Variants in CLMP observed in about 807,000 individuals in gnomAD.
CLMP encodes CXADR like cell adhesion molecule, also known as CXADR-like membrane protein.
Under a neutral mutation model 45.2 loss-of-function variants are expected in CLMP, and 27 were observed. The ratio of observed to expected loss-of-function variants is 0.60; its 90% CI spans 0.44 to 0.82. The LOEUF (loss-of-function observed/expected upper bound fraction) is 0.82, where lower values mean the gene tolerates loss of function less well. CLMP is among the 40% of genes least tolerant of loss of function. CLMP has a pLI of 0.00. For synonymous variants in CLMP, 167 were observed against 171.4 expected, an observed-to-expected ratio of 0.97 and a Z score of 0.20; for missense variants, 403 against 448.4, an observed-to-expected ratio of 0.90 and a Z score of 0.91.
At chr11:123,101,459 T>C (rs1300312245) in intron 1 of CLMP, among the ~76,000 whole-genome samples, 1 of 152,216 alleles carries the variant, frequency 6.6e-6, no homozygotes, top group Non-Finnish European at 1.5e-5. Context: ...CAAAATTGAT[T>C]AGCAGCCAAT....
chr11:123,083,237 C>T, intron 4 of CLMP, 30 bp from the exon 5 acceptor site: 1 of 1,605,254 alleles, frequency 6.2e-7, no homozygotes, highest in Non-Finnish European at 8.5e-7. Flanking sequence ...GACTGTAAAT[C>T]CCTTTAGTGA....
At chr11:123,112,718 T>A (rs1333604184) in intron 1 of CLMP, among the ~76,000 whole-genome samples, 1 of 151,858 alleles carries the variant, frequency 6.6e-6, no homozygotes. Context: ...TCACTGGGGA[T>A]CTGAAATCAC....
At chr11:123,139,788 C>G (rs1861128561) in intron 1 of CLMP, among the ~76,000 whole-genome samples, 1 of 151,228 alleles carries the variant, frequency 6.6e-6, no homozygotes, top group South Asian at 2.1e-4. Context: ...TGCACTCCAG[C>G]CTGGGCAACA....
At chr11:123,084,413 A>C (rs1865840409) in intron 3 of CLMP, 99 bp downstream of exon 3, 4 of 951,534 alleles carry the variant, frequency 4.2e-6, no homozygotes, top group African/African-American at 1.7e-5. Flanking sequence ...AATCCAAAGT[A>C]CTGAACATGA....
chr11:123,127,830 A>G (rs1860920926), intron 1 of CLMP, among the ~76,000 whole-genome samples: 1 of 152,130 alleles, frequency 6.6e-6, no homozygotes. Flanking sequence ...TGAGGTTAGG[A>G]GTTCGACACC....
In CLMP at chr11:123,168,046, G is replaced by A. The variant is rs769071170; in HGVS notation, c.28+26867C>T. The stretch of plus-strand genomic sequence containing the variant: ...AAGCTTGTTCTTAAACTGACGGAGG[G>A]ATGCCAGCCTGCCATGGTCAACAAA... On this transcript the variant is annotated intron_variant, in intron 1 of 6. Transcript: ENST00000448775. Among the ~76,000 whole-genome samples the A allele has an allele frequency of 8.3e-4, 126 of 152,312 alleles. 1 individual carries two copies. The Middle Eastern group carries it at 0.01, about 12-fold the overall frequency.
At chr11:123,150,331 C>T (rs1171846192) in intron 1 of CLMP, among the ~76,000 whole-genome samples, 1 of 149,668 alleles carries the variant, frequency 6.7e-6, no homozygotes, top group Admixed American at 6.8e-5. Flanking sequence ...CAAGGAAGAT[C>T]TTCCATGGTC....
chr11:123,172,961 G>A (rs573539848), intron 1 of CLMP, among the ~76,000 whole-genome samples: 1 of 152,254 alleles, frequency 6.6e-6, no homozygotes, highest in African/African-American at 2.4e-5. Context: ...ACTTCCAGAG[G>A]GATGTTTCTA....
At chr11:123,097,188 T>C (rs1042131541) in intron 2 of CLMP, among the ~76,000 whole-genome samples, 3 of 151,908 alleles carry the variant, frequency 2.0e-5, no homozygotes, top group African/African-American at 7.3e-5. Context: ...AGGGTCTTGC[T>C]GTATTGCCCA....
At chr11:123,123,195 G>A (rs1322673537) in intron 1 of CLMP, among the ~76,000 whole-genome samples, 2 of 151,006 alleles carry the variant, frequency 1.3e-5, no homozygotes, top group African/African-American at 4.9e-5. Flanking sequence ...TTCCAGGCAC[G>A]TGAACTCTGC....
intron 4 of CLMP, 61 bp downstream of exon 4, chr11:123,083,619 T>G: frequency 6.4e-7 from 1 of 1,551,244 alleles, no homozygotes; most frequent in Non-Finnish European, 8.9e-7. Flanking sequence ...AAAGCTGATT[T>G]AGAGCTCACG....
Position 123,083,825 on chromosome 11 carries a change from A to G in CLMP, c.411T>C (p.Cys137=), listed in dbSNP as rs1231243702. 1 of 1,613,348 alleles carries G rather than the reference A, an allele frequency of 6.2e-7. No homozygotes were observed. Reference sequence around the variant, plus strand: ...CTTCTGTCAGCTCTCCTTCCAACTCACACTTGGGCTTGGATGGTCTCACTG... The same window carrying G: ...CTTCTGTCAGCTCTCCTTCCAACTCGCACTTGGGCTTGGATGGTCTCACTG... ...KVLVRPSKPK[C]ELEGELTEGS... The change falls in exon 4 of 7, where the codon TGT becomes TGC. Residue 137 remains cysteine, a synonymous_variant. Transcript: ENST00000448775.
intron 1 of CLMP, among the ~76,000 whole-genome samples, chr11:123,163,504 T>C (rs1274795233): frequency 2.6e-5 from 4 of 152,160 alleles, no homozygotes; most frequent in Admixed American, 2.6e-4. Flanking sequence ...TATGGAGCTG[T>C]AATCTATGGC....
chr11:123,177,120 T>C (rs1454100625), intron 1 of CLMP, among the ~76,000 whole-genome samples: 1 of 152,146 alleles, frequency 6.6e-6, no homozygotes, highest in Non-Finnish European at 1.5e-5. Context: ...ATTAATTTGA[T>C]GGAGGGGAAT....
intron 1 of CLMP, chr11:123,188,947 C>T (rs1471693157): frequency 6.6e-6 from 1 of 152,148 alleles, no homozygotes; most frequent in African/African-American, 2.4e-5. Context: ...GTGAGTCATA[C>T]CCAATCCATA....
At chr11:123,081,856 T>C (rs1302572430) in intron 5 of CLMP, among the ~76,000 whole-genome samples, 2 of 144,362 alleles carry the variant, frequency 1.4e-5, no homozygotes, top group African/African-American at 5.2e-5. Context: ...AGCAAGACCC[T>C]GTCCAGAAAA....
chr11:123,079,895 C>A (rs907723159), intron 5 of CLMP, among the ~76,000 whole-genome samples: 9 of 152,132 alleles, frequency 5.9e-5, no homozygotes, highest in Non-Finnish European at 1.3e-4. Context: ...ACAGATGACC[C>A]CAGGAATTAG....
intron 2 of CLMP, among the ~76,000 whole-genome samples, chr11:123,087,752 C>T (rs897652876): frequency 3.3e-5 from 5 of 151,714 alleles, no homozygotes; most frequent in Admixed American, 2.0e-4. Flanking sequence ...ACCCAGGAGG[C>T]AGAGGTTCCA....
At chr11:123,099,330 A>G (rs936204549) in intron 1 of CLMP, among the ~76,000 whole-genome samples, 3 of 152,186 alleles carry the variant, frequency 2.0e-5, no homozygotes, top group Admixed American at 6.5e-5. Context: ...GACCAGTAGC[A>G]TGTATTTAGA....
Sources: gnomAD v4.1 joint callset for allele counts (sites outside exome capture counted in the v4.1 genomes callset) on GRCh38, gnomAD v4.1.1 for gene constraint, MANE v1.5 for transcripts, NCBI Gene and HGNC (gene_info 2026-07-23, HGNC 2026-07-21) for gene names.